Variants in RABGAP1L observed in about 807,000 individuals in gnomAD.
RABGAP1L encodes RAB GTPase activating protein 1 like.
Under a neutral mutation model 137.7 loss-of-function variants are expected in RABGAP1L, and 63 were observed. That is an observed-to-expected ratio of 0.46 (90% CI 0.37 to 0.56). The LOEUF is 0.56. Ranked by LOEUF, RABGAP1L falls within the 20% of genes least tolerant of loss-of-function variation. RABGAP1L has a pLI of 0.00. For missense variants in RABGAP1L, 1,095 were observed against 1,244.0 expected (o/e 0.88, Z 1.80); for synonymous variants, 431 against 433.7 (o/e 0.99, Z 0.08).
intron 17 of RABGAP1L, among the ~76,000 whole-genome samples, chr1:174,712,160 A>C (rs181823805): frequency 6.6e-6 from 1 of 152,318 alleles, no homozygotes; most frequent in Admixed American, 6.5e-5. Context: ...CGGACCAATC[A>C]GCTCTCTGTA....
intron 1 of RABGAP1L, among the ~76,000 whole-genome samples, chr1:174,194,469 C>T (rs181059382): frequency 2.0e-5 from 3 of 152,200 alleles, no homozygotes; most frequent in South Asian, 2.1e-4. Context: ...CTCCTGACCT[C>T]GTGATCTGCT....
At chr1:174,281,754 T>C (rs557379215) in intron 10 of RABGAP1L, among the ~76,000 whole-genome samples, 1 of 152,320 alleles carries the variant, frequency 6.6e-6, no homozygotes, top group Non-Finnish European at 1.5e-5. Context: ...CATACAGTAA[T>C]ATGCACCCAT....
At chr1:174,280,892 C>G (rs1363893876) in intron 10 of RABGAP1L, among the ~76,000 whole-genome samples, 1 of 151,948 alleles carries the variant, frequency 6.6e-6, no homozygotes, top group African/African-American at 2.4e-5. Context: ...AGAGTTTGTT[C>G]CTTCAGATGT....
At chr1:174,704,954 A>G (rs1679940999) in intron 17 of RABGAP1L, among the ~76,000 whole-genome samples, 1 of 152,214 alleles carries the variant, frequency 6.6e-6, no homozygotes, top group Admixed American at 6.5e-5. Flanking sequence ...AGACTTTTAT[A>G]TACTGAGCTG....
At chr1:174,221,591 A>G (rs1352430497) in intron 3 of RABGAP1L, among the ~76,000 whole-genome samples, 6 of 152,260 alleles carry the variant, frequency 3.9e-5, no homozygotes, top group Admixed American at 3.3e-4. Context: ...TAATAAATAC[A>G]TCTATGAATA....
intron 17 of RABGAP1L, among the ~76,000 whole-genome samples, chr1:174,724,300 G>A (rs1340088634): frequency 6.6e-6 from 1 of 152,070 alleles, no homozygotes; most frequent in African/African-American, 2.4e-5. Flanking sequence ...GATTTCTAAA[G>A]GTTAAGTTAT....
At chr1:174,327,986 CATATATATAT>C (rs3057021) in intron 11 of RABGAP1L, among the ~76,000 whole-genome samples, 1,688 of 53,604 alleles carry the variant, frequency 0.031, 40 homozygotes, top group South Asian at 0.058. Flanking sequence ...TATACACACA[CATATATATAT>C]ATATATATAT....
chr1:174,700,650 A>T (rs983159412), intron 16 of RABGAP1L: 4 of 159,258 alleles, frequency 2.5e-5, no homozygotes, highest in African/African-American at 4.8e-5. Context: ...AGACTTTAAA[A>T]TTGAAAAGAA....
intron 24 of RABGAP1L, among the ~76,000 whole-genome samples, chr1:174,986,126 A>G (rs1285876585): frequency 6.6e-6 from 1 of 151,996 alleles, no homozygotes; most frequent in Non-Finnish European, 1.5e-5. Context: ...TTTAGTAGAA[A>G]AATACAAAAT....
At chr1:174,741,057 T>TG (rs1491042154) in intron 17 of RABGAP1L, among the ~76,000 whole-genome samples, 70 of 137,876 alleles carry the variant, frequency 5.1e-4, no homozygotes, top group East Asian at 3.1e-3. Context: ...TTTTTTTTTT[T>TG]TGTGTGTGGG....
At position 174,305,073 on chromosome 1, in the gene RABGAP1L, A is replaced by T; in HGVS notation, c.1411A>T (p.Thr471Ser). The T allele has an allele frequency of 6.4e-7, 1 of 1,558,902 alleles. No homozygotes were observed. The part of the protein sequence containing the change: ...QRESDKEEPV[T>S]PTSGGGPMSP... ...AGAGTCTGACAAGGAGGAACCAGTC[A>T]CTCCTACTAGTGGAGGGGGTCCAAT... The change falls in exon 11 of 26, where the codon ACT becomes TCT. Residue 471 changes from threonine to serine, a missense_variant. Physicochemically the swap from Thr to Ser is moderately conservative, Grantham distance 58 (BLOSUM62 1). Coordinates refer to ENST00000681986, the MANE Select transcript of RABGAP1L (RefSeq NM_001366446.1).
Position 174,990,011 on chromosome 1 carries a change from T to C in RABGAP1L, c.*10T>C, listed in dbSNP as rs1469771537. 6.5e-7 allele frequency: 1 copy of C among 1,528,480 alleles called. No homozygotes were observed. Among genetic ancestry groups the C allele is most frequent in the South Asian group, 1.2e-5 (1 of 83,504 alleles). The allele number at this position is 1,528,480 out of a possible 1,614,324, so 94.7% of individuals were successfully genotyped here. ...CAAGGAGAGCACATAGTTCCAGCCT[T>C]ACCCAAGCACAAGAGCACAATGTTC... On this transcript the variant is annotated 3_prime_UTR_variant, in exon 26 of 26. Coordinates refer to ENST00000681986, the MANE Select transcript of RABGAP1L (RefSeq NM_001366446.1).
intron 13 of RABGAP1L, among the ~76,000 whole-genome samples, chr1:174,486,413 C>G (rs979095982): frequency 5.4e-5 from 8 of 148,634 alleles, no homozygotes; most frequent in Non-Finnish European, 1.2e-4. Flanking sequence ...GTGGCGTGAT[C>G]TCGGCTCACT....
rs565354843 is a variant in RABGAP1L at position 174,250,034 on chromosome 1, G to A, written c.718-441G>A. Reference sequence around the variant, plus strand: ...CTGGTCTCCAGTATGTATGCTGGTGGTGCTTAGTGTTGAACTTTATCTGTA... The same window carrying A: ...CTGGTCTCCAGTATGTATGCTGGTGATGCTTAGTGTTGAACTTTATCTGTA... On this transcript the variant is annotated intron_variant, in intron 5 of 25. Coordinates refer to ENST00000681986, the MANE Select transcript of RABGAP1L (RefSeq NM_001366446.1). Among the ~76,000 whole-genome samples the A allele has an allele frequency of 2.6e-5, 4 of 152,262 alleles. No individual in the cohort carries two copies. In the South Asian group the frequency reaches 8.3e-4, roughly 32 times the overall value.
At chr1:174,899,265 G>C (rs1183723326) in intron 19 of RABGAP1L, among the ~76,000 whole-genome samples, 2 of 152,166 alleles carry the variant, frequency 1.3e-5, no homozygotes, top group Admixed American at 1.3e-4. Flanking sequence ...ATGGATCGTA[G>C]AGTGCAAGGT....
intron 11 of RABGAP1L, among the ~76,000 whole-genome samples, chr1:174,342,973 A>G (rs771108893): frequency 6.6e-6 from 1 of 152,232 alleles, no homozygotes; most frequent in Non-Finnish European, 1.5e-5. Context: ...TTTTGACCTC[A>G]GGTGATCTGC....
At chr1:174,365,462 C>T (rs1056183406) in intron 11 of RABGAP1L, among the ~76,000 whole-genome samples, 1 of 151,954 alleles carries the variant, frequency 6.6e-6, no homozygotes, top group African/African-American at 2.4e-5. Context: ...GATCCCAGAG[C>T]ATTTCAGCCC....
intron 11 of RABGAP1L, among the ~76,000 whole-genome samples, chr1:174,369,713 A>G (rs1684943509): frequency 6.6e-6 from 1 of 152,144 alleles, no homozygotes; most frequent in South Asian, 2.1e-4. Context: ...TATTTTCATG[A>G]TGAACTTATT....
At chr1:174,661,504 A>G (rs1040559136) in intron 14 of RABGAP1L, among the ~76,000 whole-genome samples, 4 of 152,222 alleles carry the variant, frequency 2.6e-5, no homozygotes, top group Admixed American at 6.5e-5. Flanking sequence ...TAGTCTGGGA[A>G]TATACCTACA....
Sources: allele counts gnomAD v4.1 joint callset (sites outside exome capture counted in the v4.1 genomes callset), GRCh38; gene constraint gnomAD v4.1.1; transcripts MANE v1.5; gene names NCBI Gene and HGNC (gene_info 2026-07-23, HGNC 2026-07-21).